The following LRMDA variants were observed in gnomAD, a reference collection of about 807,000 sequenced individuals.
LRMDA encodes leucine-rich melanocyte differentiation-associated protein.
LRMDA carries 18 observed loss-of-function variants against 29.8 expected under a neutral mutation model. The observed-to-expected ratio is 0.60, with a 90% CI of 0.42 to 0.90. The LOEUF is 0.90. Among genes scored for constraint, LRMDA ranks in the 40% least tolerant of loss-of-function variants. LRMDA has a pLI of 0.00. For synonymous variants in LRMDA, 125 were observed against 109.4 expected (o/e 1.14, Z -0.89); for missense variants, 273 against 273.9 (o/e 1.00, Z 0.02).
chr10:75,796,105 C>T (rs1255032226), intron 2 of LRMDA, among the ~76,000 whole-genome samples: 1 of 152,054 alleles, frequency 6.6e-6, no homozygotes, highest in African/African-American at 2.4e-5. Flanking sequence ...TTAAATTCAT[C>T]AGGAGGTTTT....
At chr10:75,455,432 G>T (rs1311078066) in intron 2 of LRMDA, among the ~76,000 whole-genome samples, 2 of 152,166 alleles carry the variant, frequency 1.3e-5, no homozygotes, top group African/African-American at 2.4e-5. Flanking sequence ...TCAATGTGGA[G>T]ATAAGGCTAA....
intron 2 of LRMDA, among the ~76,000 whole-genome samples, chr10:76,034,026 C>T (rs77892855): frequency 0.015 from 2,299 of 152,148 alleles, 55 homozygotes; most frequent in African/African-American, 0.052. Context: ...AGCCGTCCTT[C>T]ACTTATTCTC....
chr10:76,370,064 C>T (rs529632039), intron 6 of LRMDA, among the ~76,000 whole-genome samples: 1 of 152,030 alleles, frequency 6.6e-6, no homozygotes, highest in East Asian at 1.9e-4. Flanking sequence ...AATAAAAAAC[C>T]ATGATGTTAA....
At chr10:76,235,511 G>T (rs1301256770) in intron 5 of LRMDA, among the ~76,000 whole-genome samples, 1 of 152,064 alleles carries the variant, frequency 6.6e-6, no homozygotes. Flanking sequence ...AAGTGCAGTG[G>T]AATGAGGTAT....
At chr10:76,479,530 G>A (rs918548405) in intron 6 of LRMDA, among the ~76,000 whole-genome samples, 3 of 151,830 alleles carry the variant, frequency 2.0e-5, no homozygotes, top group African/African-American at 7.2e-5. Context: ...AGGGGCTAGG[G>A]AGCCTTTAAT....
intron 6 of LRMDA, among the ~76,000 whole-genome samples, chr10:76,453,122 A>G (rs1366799468): frequency 6.6e-6 from 1 of 152,240 alleles, no homozygotes; most frequent in Admixed American, 6.5e-5. Context: ...ACAGTTAAAG[A>G]TAGTCATCAT....
At chr10:75,993,789 C>T (rs968681207) in intron 2 of LRMDA, among the ~76,000 whole-genome samples, 9 of 151,746 alleles carry the variant, frequency 5.9e-5, no homozygotes, top group South Asian at 2.1e-4. Flanking sequence ...ATTATTGGTA[C>T]GTGGTGGAGC....
chr10:76,436,131 G>A (rs1842242178), intron 6 of LRMDA, among the ~76,000 whole-genome samples: 1 of 152,182 alleles, frequency 6.6e-6, no homozygotes, highest in Non-Finnish European at 1.5e-5. Context: ...GTGGTGATGG[G>A]CCTTGGAACC....
chr10:75,610,581 G>C (rs1245151214), intron 2 of LRMDA, among the ~76,000 whole-genome samples: 1 of 152,150 alleles, frequency 6.6e-6, no homozygotes, highest in Non-Finnish European at 1.5e-5. Context: ...GGACCTTAGA[G>C]AGTCTCTGTC....
chr10:75,802,972 A>T (rs9416092), intron 2 of LRMDA, among the ~76,000 whole-genome samples: 37,560 of 109,444 alleles, frequency 0.34, 5,741 homozygotes, highest in Middle Eastern at 0.5. Flanking sequence ...ATATATATAT[A>T]TTTTTTTTTT....
intron 6 of LRMDA, among the ~76,000 whole-genome samples, chr10:76,513,135 C>A (rs1321369109): frequency 6.6e-6 from 1 of 151,962 alleles, no homozygotes; most frequent in African/African-American, 2.4e-5. Flanking sequence ...GGGGAGTTAC[C>A]ACATGCAAAA....
intron 6 of LRMDA, among the ~76,000 whole-genome samples, chr10:76,394,469 A>G (rs1204543651): frequency 6.6e-6 from 1 of 152,172 alleles, no homozygotes; most frequent in Non-Finnish European, 1.5e-5. Flanking sequence ...GATTCTTCAC[A>G]TGTATCACAT....
intron 5 of LRMDA, among the ~76,000 whole-genome samples, chr10:76,220,396 G>C (rs1047736962): frequency 6.6e-6 from 1 of 151,904 alleles, no homozygotes; most frequent in Non-Finnish European, 1.5e-5. Context: ...GAAGAAAAGA[G>C]AGAAGAATCA....
At chr10:76,435,373 A>G (rs1842235002) in intron 6 of LRMDA, among the ~76,000 whole-genome samples, 1 of 152,184 alleles carries the variant, frequency 6.6e-6, no homozygotes, top group Non-Finnish European at 1.5e-5. Context: ...GAAGCTGCTT[A>G]GATTCAGACA....
chr10:75,981,828 G>A (rs994943104), intron 2 of LRMDA, among the ~76,000 whole-genome samples: 10 of 145,870 alleles, frequency 6.9e-5, no homozygotes, highest in Admixed American at 5.5e-4. Flanking sequence ...CTCCGGCCTG[G>A]CGACAGAGCA....
At chr10:75,691,129 GA>G (rs1842146456) in intron 2 of LRMDA, among the ~76,000 whole-genome samples, 12 of 90,580 alleles carry the variant, frequency 1.3e-4, no homozygotes, top group Admixed American at 2.2e-4. Flanking sequence ...TATATACATA[GA>G]TATATAGATC....
intron 2 of LRMDA, among the ~76,000 whole-genome samples, chr10:75,736,950 G>A (rs991094963): frequency 2.6e-5 from 4 of 152,138 alleles, no homozygotes; most frequent in African/African-American, 7.2e-5. Flanking sequence ...GCAGGGCTGG[G>A]ATGGGGAACA....
chr10:76,293,856 G>A (rs372233727), intron 5 of LRMDA, among the ~76,000 whole-genome samples: 67 of 152,180 alleles, frequency 4.4e-4, no homozygotes, highest in African/African-American at 1.5e-3. Context: ...TTACTCTCTG[G>A]TTTGTTGTAA....
intron 5 of LRMDA, among the ~76,000 whole-genome samples, chr10:76,204,881 CATT>C (rs1851505868): frequency 6.6e-6 from 1 of 152,186 alleles, no homozygotes; most frequent in Non-Finnish European, 1.5e-5. Flanking sequence ...GAATGATGAA[CATT>C]ATGAGAGATC....
Sources: gnomAD v4.1 joint callset for allele counts (sites outside exome capture counted in the v4.1 genomes callset) on GRCh38, gnomAD v4.1.1 for gene constraint, MANE v1.5 for transcripts, NCBI Gene and HGNC (gene_info 2026-07-23, HGNC 2026-07-21) for gene names.